RPTOR: variants seen among roughly 807,000 people sequenced by gnomAD.
The protein encoded by RPTOR is regulatory-associated protein of mTOR.
A neutral mutation model predicts 169.9 loss-of-function variants in RPTOR; 21 were observed. That is an observed-to-expected ratio of 0.12 (90% CI 0.09 to 0.18). The LOEUF is 0.18. RPTOR is among the 10% of genes least tolerant of loss of function. The pLI, the probability that RPTOR is intolerant of heterozygous loss-of-function variation, is 1.00. For synonymous variants in RPTOR, 732 were observed against 753.2 expected (o/e 0.97, Z 0.46); for missense variants, 1,133 against 1,855.9 (o/e 0.61, Z 7.16).
intron 6 of RPTOR, among the ~76,000 whole-genome samples, chr17:80,773,542 C>T (rs755286813): frequency 3.3e-4 from 50 of 152,262 alleles, no homozygotes; most frequent in Non-Finnish European, 6.2e-4. Flanking sequence ...TGATTTGTGC[C>T]TGTGCTTTGC....
At chr17:80,825,247 G>A (rs34630038) in intron 9 of RPTOR, among the ~76,000 whole-genome samples, 19,007 of 137,486 alleles carry the variant, frequency 0.14, 1,076 homozygotes, top group Middle Eastern at 0.19. Context: ...TCTAGAGGCC[G>A]CGTGGCGAGG....
At chr17:80,777,874 T>C (rs2066906437) in intron 6 of RPTOR, among the ~76,000 whole-genome samples, 1 of 152,204 alleles carries the variant, frequency 6.6e-6, no homozygotes, top group Non-Finnish European at 1.5e-5. Flanking sequence ...ATAGATGTAT[T>C]GCTGGAGTGA....
chr17:80,749,451 G>A (rs3929294), intron 5 of RPTOR, among the ~76,000 whole-genome samples: 3,109 of 47,494 alleles, frequency 0.065, 990 homozygotes, highest in Non-Finnish European at 0.099. Context: ...TTTAGAGGCC[G>A]TGGCGGGAGG....
intron 16 of RPTOR, 147 bp from the exon 17 acceptor site, chr17:80,884,861 G>C: frequency 3.6e-6 from 4 of 1,098,096 alleles, no homozygotes; most frequent in Non-Finnish European, 5.1e-6. Context: ...TTGCCACTCT[G>C]ATAGTGCGAG....
chr17:80,787,799 G>A (rs1275990763), intron 6 of RPTOR, among the ~76,000 whole-genome samples: 3 of 152,114 alleles, frequency 2.0e-5, no homozygotes, highest in Non-Finnish European at 4.4e-5. Flanking sequence ...AGTGGCCATA[G>A]TTATGTCCTC....
At chr17:80,865,236 G>A (rs2067973186) in intron 13 of RPTOR, among the ~76,000 whole-genome samples, 1 of 152,172 alleles carries the variant, frequency 6.6e-6, no homozygotes, top group Non-Finnish European at 1.5e-5. Context: ...AGACAACACG[G>A]AAGGAAAAAG....
At position 80,651,505 on chromosome 17, in the gene RPTOR, A is replaced by AT. The variant is rs749202622; in HGVS notation, c.348+7698dup. Among the ~76,000 whole-genome samples the AT allele has an allele frequency of 6.6e-6, 1 of 151,588 alleles. No individual in the cohort carries two copies. Among genetic ancestry groups the AT allele is most frequent in the African/African-American group, 2.4e-5 (1 of 41,040 alleles). On this transcript the variant is annotated intron_variant, in intron 3 of 33. Coordinates refer to ENST00000306801, the MANE Select transcript of RPTOR (RefSeq NM_020761.3). The surrounding 1 kb of genome is among the most constrained non-coding windows in gnomAD (Gnocchi z 4.1). ...TACAGCTCCCTCCCAAATGTCCGCG[A>AT]TTTACTTGTTGGTATGACACATAAT... is the stretch of plus-strand genomic sequence containing the variant.
At position 80,966,126 on chromosome 17, in the gene RPTOR, C is replaced by CCA. The variant is rs1555643083; in HGVS notation, c.*1796_*1797insCA. 5 of 221,222 alleles carry CCA rather than the reference C, an allele frequency of 2.3e-5. 1 individual carries two copies. In the South Asian group the frequency reaches 9.5e-4, roughly 42 times the overall value. The allele number at this position is 221,222 out of a possible 1,614,324, so 13.7% of individuals were successfully genotyped here. On this transcript the variant is annotated 3_prime_UTR_variant, in exon 34 of 34. Transcript: ENST00000306801. ...CTCCAGAGGGGTCAAGACCCCCCCCCGCCCCCGCTCCACCCTGGAGCCCAC... is the reference window on the plus strand; with the variant it reads ...CTCCAGAGGGGTCAAGACCCCCCCCCCAGCCCCCGCTCCACCCTGGAGCCCAC...
At chr17:80,671,652 G>A (rs1229125425) in intron 3 of RPTOR, among the ~76,000 whole-genome samples, 1 of 152,214 alleles carries the variant, frequency 6.6e-6, no homozygotes, top group African/African-American at 2.4e-5. Context: ...TTGCATAGTT[G>A]TGAGGGAACC....
intron 1 of RPTOR, among the ~76,000 whole-genome samples, chr17:80,554,875 A>C (rs1009366096): frequency 6.6e-6 from 1 of 152,270 alleles, no homozygotes; most frequent in African/African-American, 2.4e-5. Context: ...ACAAGTGACA[A>C]GATAACTGAC....
intron 17 of RPTOR, among the ~76,000 whole-genome samples, chr17:80,886,726 G>A (rs2068251476): frequency 6.6e-6 from 1 of 152,186 alleles, no homozygotes. Flanking sequence ...TCACTCGCCT[G>A]CACGGCTGCC....
intron 6 of RPTOR, among the ~76,000 whole-genome samples, chr17:80,772,086 G>T (rs2066849322): frequency 6.6e-6 from 1 of 152,188 alleles, no homozygotes; most frequent in South Asian, 2.1e-4. Context: ...CTCCCAAAGT[G>T]CTGGGATTAC....
intron 1 of RPTOR, among the ~76,000 whole-genome samples, chr17:80,623,039 G>A (rs903501394): frequency 6.6e-6 from 1 of 152,198 alleles, no homozygotes; most frequent in African/African-American, 2.4e-5. Flanking sequence ...TTATCTCGAT[G>A]TGATAAAGAT....
chr17:80,854,435 C>T (rs757192931), intron 11 of RPTOR, among the ~76,000 whole-genome samples: 3 of 152,224 alleles, frequency 2.0e-5, no homozygotes, highest in Non-Finnish European at 2.9e-5. Context: ...TGCCCACGTG[C>T]GTGCCGTCGA....
intron 28 of RPTOR, among the ~76,000 whole-genome samples, chr17:80,953,548 G>A (rs1409853490): frequency 6.6e-6 from 1 of 152,270 alleles, no homozygotes; most frequent in African/African-American, 2.4e-5. Flanking sequence ...AGGGCCTCCT[G>A]GCGCAGCCTC....
chr17:80,880,632 G>T, intron 14 of RPTOR, 143 bp downstream of exon 14: 1 of 686,634 alleles, frequency 1.5e-6, no homozygotes, highest in Non-Finnish European at 2.6e-6. Context: ...CACGGGGTCA[G>T]CAACTGCTTC....
intron 21 of RPTOR, among the ~76,000 whole-genome samples, chr17:80,910,924 A>C (rs1468586207): frequency 6.7e-6 from 1 of 150,302 alleles, no homozygotes; most frequent in Non-Finnish European, 1.5e-5. Flanking sequence ...TCCGCCTCCC[A>C]GGTTCAAGCA....
intron 7 of RPTOR, among the ~76,000 whole-genome samples, chr17:80,796,655 C>G (rs901087671): frequency 6.4e-4 from 98 of 152,186 alleles, no homozygotes; most frequent in African/African-American, 2.3e-3. Flanking sequence ...CAAACCATAT[C>G]ACAGTCGCTG....
intron 9 of RPTOR, among the ~76,000 whole-genome samples, chr17:80,835,645 C>G (rs957066939): frequency 2.0e-5 from 3 of 152,220 alleles, no homozygotes; most frequent in Non-Finnish European, 4.4e-5. Flanking sequence ...CTTGCGGGCG[C>G]AAACTTTGTT....
Sources: gnomAD v4.1 joint callset for allele counts (sites outside exome capture counted in the v4.1 genomes callset) on GRCh38, gnomAD v4.1.1 for gene constraint, Gnocchi (gnomAD v3.1) non-coding constraint, MANE v1.5 for transcripts, NCBI Gene and HGNC (gene_info 2026-07-23, HGNC 2026-07-21) for gene names.